MRS2: variants seen among roughly 807,000 people sequenced by gnomAD.
MRS2 encodes magnesium transporter MRS2.
Under a neutral mutation model 52.6 loss-of-function variants are expected in MRS2, and 40 were observed. That is an observed-to-expected ratio of 0.76 (90% CI 0.59 to 0.99). The LOEUF (loss-of-function observed/expected upper bound fraction) is 0.99. Ranked by LOEUF, MRS2 falls within the 50% of genes least tolerant of loss-of-function variation. The pLI, the probability that MRS2 is intolerant of heterozygous loss-of-function variation, is 0.00. For missense variants in MRS2, 472 were observed against 532.7 expected (o/e 0.89, Z 1.12); for synonymous variants, 193 against 195.9 (o/e 0.98, Z 0.13).
At chr6:24,405,774 C>CAT (rs531985106) in intron 2 of MRS2, among the ~76,000 whole-genome samples, 1 of 126,028 alleles carries the variant, frequency 7.9e-6, no homozygotes, top group Non-Finnish European at 1.6e-5. Context: ...TCTTTGTAGG[C>CAT]TTTTTTTTTT....
At chr6:24,404,062 G>A (rs925911085) in intron 1 of MRS2, among the ~76,000 whole-genome samples, 19 of 152,202 alleles carry the variant, frequency 1.2e-4, no homozygotes, top group African/African-American at 3.4e-4. Flanking sequence ...TGAAATGAAT[G>A]ACTTTATTAA....
chr6:24,410,660 A>G, intron 4 of MRS2: 1 of 1,265,104 alleles, frequency 7.9e-7, no homozygotes, highest in Middle Eastern at 2.6e-4. Context: ...ATCTCTAAAA[A>G]TAAATAAGTA....
In MRS2 at chr6:24,403,187, A is replaced by T; in HGVS notation, c.141A>T (p.Gly47=). 6.2e-7 allele frequency: 1 copy of T among 1,605,874 alleles called. No homozygotes were observed. The change falls in exon 1 of 11, where the codon GGA becomes GGT. Residue 47 remains glycine (G), a synonymous_variant. Coordinates refer to ENST00000378386, the MANE Select transcript of MRS2 (RefSeq NM_020662.4). ...GCGGCCGCCGAGCCAACCTGATTGG[A>T]AGGAGCCGAGCGGCGCAGCTTTGCG... The part of the protein sequence containing the change: ...AACGRRANLI[G]RSRAAQLCGP...
At chr6:24,411,797 A>G (rs1314591021) in intron 4 of MRS2, among the ~76,000 whole-genome samples, 2 of 151,578 alleles carry the variant, frequency 1.3e-5, no homozygotes, top group Non-Finnish European at 2.9e-5. Context: ...TCAGCCTCCA[A>G]AAGTGCTGGG....
intron 2 of MRS2, among the ~76,000 whole-genome samples, chr6:24,405,515 C>G (rs887530853): frequency 4.6e-5 from 7 of 151,236 alleles, no homozygotes; most frequent in Non-Finnish European, 1.0e-4. Flanking sequence ...CTATGTTCTG[C>G]AAGATAATAC....
In MRS2 at chr6:24,423,676, C is replaced by T. The variant is rs772612393; in HGVS notation, c.1314C>T (p.Ser438=). 2 of 1,606,190 alleles carry T rather than the reference C, an allele frequency of 1.2e-6. No homozygotes were observed. The highest frequency in any genetic ancestry group is 1.7e-5 in the Admixed American group (1 of 59,808). ...LRLDGLGSGR[S]ILTNR ...TGGATGGACTTGGATCAGGAAGGAG[C>T]ATCCTAACAAACCGTTAGGAACAGC... Residue 438 remains serine, a synonymous_variant, in exon 11 of 11, where the codon AGC becomes AGT. Transcript: ENST00000378386.
In MRS2 at chr6:24,418,497, G is replaced by GAC. The variant is rs1193013872; in HGVS notation, c.1027_1028dup (p.Met344ProfsTer12). On this transcript the variant is annotated frameshift_variant, in exon 9 of 11. Transcript: ENST00000378386. LOFTEE classifies it high-confidence loss of function. ...TGATGATGAGGTTGAATCTACAGCTGACCATGGGAACCTTCTCTCTTTCGC... is the reference window on the plus strand; with the variant it reads ...TGATGATGAGGTTGAATCTACAGCTGACACCATGGGAACCTTCTCTCTTTCGC... The GAC allele has an allele frequency of 6.2e-7, 1 of 1,614,108 alleles. No homozygotes were observed. The highest frequency in any genetic ancestry group is 1.7e-5 in the Admixed American group (1 of 60,016).
At position 24,418,725 on chromosome 6, in the gene MRS2, C is replaced by A. The variant is rs1581708217; in HGVS notation, c.1107+147C>A. The A allele has an allele frequency of 2.7e-5, 16 of 585,742 alleles. No homozygotes were observed. The South Asian group carries it at 3.0e-4, about 11-fold the overall frequency. 36.3% of individuals were successfully genotyped at this position (585,742 alleles called of 1,614,324 possible). A position where few individuals can be genotyped will look rare whatever the true frequency, so the allele number is the denominator to read the frequency against. On this transcript the variant is annotated intron_variant, in intron 9 of 10. Transcript: ENST00000378386. ...ACCAACCTGGCCAACATGGCGAAAC[C>A]CTGTCTCTACTAAAAATACAAAAAT...
chr6:24,411,555 AG>A (rs1242277100), intron 4 of MRS2, among the ~76,000 whole-genome samples: 2 of 152,196 alleles, frequency 1.3e-5, no homozygotes, highest in Admixed American at 1.3e-4. Context: ...TTTCCAAAAA[AG>A]AAAGACGGAG....
rs773698002 is a variant in MRS2, at chr6:24,415,167, A to C, written c.719+4A>C. The C allele has an allele frequency of 1.3e-5, 21 of 1,573,688 alleles. No individual in the cohort carries two copies. Among genetic ancestry groups the C allele is most frequent in the Non-Finnish European group, 1.7e-5 (20 of 1,150,918 alleles). The stretch of plus-strand genomic sequence containing the variant: ...TTTTACTACAGAATGGCAAAAGGTA[A>C]ATATGGATGATGTATCACATTGGGA... On this transcript the variant is annotated splice_donor_region_variant and intron_variant, in intron 6 of 10. Transcript: ENST00000378386.
chr6:24,414,888 A>G (rs1345947371), intron 5 of MRS2, 145 bp from the exon 6 acceptor site: 2 of 608,568 alleles, frequency 3.3e-6, no homozygotes, highest in Admixed American at 6.6e-5. Flanking sequence ...CATCTGGAAT[A>G]GGCATTCTAG....
intron 9 of MRS2, 31 bp downstream of exon 9, chr6:24,418,609 G>A: frequency 6.4e-7 from 1 of 1,565,716 alleles, no homozygotes; most frequent in Non-Finnish European, 8.8e-7. Flanking sequence ...CTAAAACTTG[G>A]GGGTTTTGGC....
intron 6 of MRS2, among the ~76,000 whole-genome samples, chr6:24,415,507 T>G (rs2127292954): frequency 6.6e-6 from 1 of 152,356 alleles, no homozygotes; most frequent in Non-Finnish European, 1.5e-5. Flanking sequence ...TCTTTTTCTT[T>G]AAAATCATAA....
At chr6:24,405,262 G>A in intron 2 of MRS2, 21 bp downstream of exon 2, 1 of 1,575,836 alleles carries the variant, frequency 6.3e-7, no homozygotes, top group Non-Finnish European at 8.7e-7. Flanking sequence ...ACAGTACATT[G>A]GAAATCGTAC....
chr6:24,416,695 G>C (rs895925925), intron 7 of MRS2, among the ~76,000 whole-genome samples, 182 bp downstream of exon 7: 1 of 151,766 alleles, frequency 6.6e-6, no homozygotes, highest in Non-Finnish European at 1.5e-5. Context: ...GTAATTCTAT[G>C]AGTATGCATA....
At position 24,426,017 on chromosome 6, in the gene MRS2, A is replaced by G. The variant is rs1762225786; in HGVS notation, c.*2323A>G. On this transcript the variant is annotated 3_prime_UTR_variant, in exon 11 of 11. Transcript: ENST00000378386. ...CTGCAGAGACCCTAGTTTTGTCCCCACTCCATCTTCAAATAATTTTGGTCT... is the reference window on the plus strand; with the variant it reads ...CTGCAGAGACCCTAGTTTTGTCCCCGCTCCATCTTCAAATAATTTTGGTCT... 1 of 152,162 alleles carries G rather than the reference A, an allele frequency of 6.6e-6. No homozygotes were observed. 9.4% of individuals were successfully genotyped at this position (152,162 alleles called of 1,614,324 possible).
At chr6:24,406,427 A>C (rs1320277064) in intron 2 of MRS2, among the ~76,000 whole-genome samples, 1 of 152,202 alleles carries the variant, frequency 6.6e-6, no homozygotes, top group African/African-American at 2.4e-5. Context: ...ATTGCGTTTA[A>C]AAGTTACCAC....
At chr6:24,404,302 G>GA (rs746313972) in intron 1 of MRS2, among the ~76,000 whole-genome samples, 23 of 152,134 alleles carry the variant, frequency 1.5e-4, no homozygotes, top group African/African-American at 4.8e-4. Flanking sequence ...TCTAATTTGT[G>GA]ACATTAAAAC....
Position 24,422,922 on chromosome 6 carries a change from T to C in MRS2, c.1108-15T>C, listed in dbSNP as rs1483997982. 1.9e-6 allele frequency: 3 copies of C among 1,543,918 alleles called. No homozygotes were observed. The highest frequency in any genetic ancestry group is 1.8e-5 in the Admixed American group (1 of 55,728). On this transcript the variant is annotated splice_polypyrimidine_tract_variant and intron_variant, in intron 9 of 10. Transcript: ENST00000378386. ...CTGGCGTTTTGCGATGGAAATGAAC[T>C]GTGTTCTCTTTTAGGACCATAGAAT...
Sources: allele counts gnomAD v4.1 joint callset (sites outside exome capture counted in the v4.1 genomes callset), GRCh38; gene constraint gnomAD v4.1.1; transcripts MANE v1.5; gene names NCBI Gene and HGNC (gene_info 2026-07-23, HGNC 2026-07-21).